PITPNC1: variants seen among roughly 807,000 people sequenced by gnomAD.
PITPNC1 encodes the protein cytoplasmic phosphatidylinositol transfer protein 1.
PITPNC1 carries 18 observed loss-of-function variants against 44.7 expected under a neutral mutation model. That is an observed-to-expected ratio of 0.40 (90% CI 0.28 to 0.60). The LOEUF (loss-of-function observed/expected upper bound fraction) is 0.60, where lower values mean the gene tolerates loss of function less well. Among genes scored for constraint, PITPNC1 ranks in the 20% least tolerant of loss-of-function variants. The probability of loss-of-function intolerance (pLI) is 0.39; values close to 1 mark genes in which losing one functional copy is unlikely to be tolerated. For missense variants in PITPNC1, 290 were observed against 418.4 expected, an observed-to-expected ratio of 0.69 and a Z score of 2.68; for synonymous variants, 141 against 149.6, an observed-to-expected ratio of 0.94 and a Z score of 0.42.
intron 1 of PITPNC1, among the ~76,000 whole-genome samples, chr17:67,514,733 C>T (rs2040235860): frequency 6.6e-6 from 1 of 151,900 alleles, no homozygotes. Flanking sequence ...GGCTGAGGCA[C>T]GAGAATCGCT....
At chr17:67,561,178 G>A (rs1272170506) in intron 4 of PITPNC1, among the ~76,000 whole-genome samples, 1 of 152,180 alleles carries the variant, frequency 6.6e-6, no homozygotes, top group African/African-American at 2.4e-5. Flanking sequence ...TGCAAAGGCC[G>A]GGTGTGGTGG....
chr17:67,618,364 C>A (rs868725178), intron 5 of PITPNC1, among the ~76,000 whole-genome samples: 344 of 76,836 alleles, frequency 4.5e-3, no homozygotes, highest in South Asian at 8.0e-3. Flanking sequence ...GACTCCGTCT[C>A]AAAAAAAAAA....
At chr17:67,453,796 G>A (rs1200260338) in intron 1 of PITPNC1, among the ~76,000 whole-genome samples, 2 of 152,238 alleles carry the variant, frequency 1.3e-5, no homozygotes, top group Non-Finnish European at 2.9e-5. Flanking sequence ...GAAGTTCAGA[G>A]TTAATGTTTC....
chr17:67,411,945 G>C (rs2038505150), intron 1 of PITPNC1, among the ~76,000 whole-genome samples: 1 of 152,106 alleles, frequency 6.6e-6, no homozygotes, highest in South Asian at 2.1e-4. Context: ...GCTCCAGAGT[G>C]CAAGCTCCCT....
chr17:67,643,570 A>G (rs192168832), intron 6 of PITPNC1, among the ~76,000 whole-genome samples: 1 of 152,302 alleles, frequency 6.6e-6, no homozygotes, highest in Non-Finnish European at 1.5e-5. Context: ...GGGATTCCCA[A>G]CTTGTGTGCT....
chr17:67,390,549 G>A (rs149030787), intron 1 of PITPNC1, among the ~76,000 whole-genome samples: 1 of 152,344 alleles, frequency 6.6e-6, no homozygotes, highest in Non-Finnish European at 1.5e-5. Flanking sequence ...GGTTCCACAT[G>A]GCACGTAAGT....
Position 67,552,260 on chromosome 17 carries a change from A to T in PITPNC1, c.201A>T (p.Lys67Asn). 6.4e-7 allele frequency: 1 copy of T among 1,564,804 alleles called. No individual in the cohort carries two copies. The highest frequency in any genetic ancestry group is 8.8e-7 in the Non-Finnish European group (1 of 1,135,266). Residue 67 changes from lysine to asparagine, a missense_variant, in exon 3 of 9, where the codon AAA becomes AAT. Physicochemically the swap from Lys to Asn is moderately conservative, Grantham distance 94. Coordinates refer to ENST00000581322, the MANE Select transcript of PITPNC1 (RefSeq NM_012417.4). ...TTTTTTCTTTCTTTCCTCTTAGCAAACTGCCTAGTTGGGCTAGAGCTGTTG... is the reference window on the plus strand; with the variant it reads ...TTTTTTCTTTCTTTCCTCTTAGCAATCTGCCTAGTTGGGCTAGAGCTGTTG... Reference protein sequence around the residue: ...FTEKRVYLNSKLPSWARAVVP... With the variant: ...FTEKRVYLNSNLPSWARAVVP...
chr17:67,577,223 C>G (rs889827299), intron 4 of PITPNC1, among the ~76,000 whole-genome samples: 1 of 152,078 alleles, frequency 6.6e-6, no homozygotes, highest in African/African-American at 2.4e-5. Flanking sequence ...GCCCATAGGT[C>G]AAGGTTACAG....
chr17:67,577,924 C>T (rs2041171560), intron 4 of PITPNC1, among the ~76,000 whole-genome samples: 1 of 152,098 alleles, frequency 6.6e-6, no homozygotes, highest in Non-Finnish European at 1.5e-5. Flanking sequence ...GAACATATTC[C>T]TTTTGGAAAT....
intron 1 of PITPNC1, among the ~76,000 whole-genome samples, chr17:67,468,767 G>C (rs2039468342): frequency 1.1e-5 from 1 of 93,924 alleles, no homozygotes; most frequent in Non-Finnish European, 1.8e-5. Flanking sequence ...CACTATCTCG[G>C]CTCACTGCAA....
chr17:67,416,165 A>C (rs1332690611), intron 1 of PITPNC1, among the ~76,000 whole-genome samples: 3 of 146,866 alleles, frequency 2.0e-5, no homozygotes, highest in Non-Finnish European at 3.0e-5. Flanking sequence ...TTTTTTGTAC[A>C]TAAATTTAAA....
chr17:67,448,251 G>A (rs541751282), intron 1 of PITPNC1, among the ~76,000 whole-genome samples: 78 of 152,218 alleles, frequency 5.1e-4, no homozygotes, highest in Middle Eastern at 3.4e-3. Context: ...CCGGCTGCAT[G>A]ACTTTTCTAT....
chr17:67,640,764 C>CGGG (rs2042084613), intron 6 of PITPNC1, among the ~76,000 whole-genome samples: 2 of 150,576 alleles, frequency 1.3e-5, no homozygotes, highest in Admixed American at 1.3e-4. Flanking sequence ...CCGAGGCAGG[C>CGGG]AGATTGCCTG....
intron 5 of PITPNC1, among the ~76,000 whole-genome samples, chr17:67,627,953 G>T (rs1294151327): frequency 4.3e-5 from 6 of 141,158 alleles, no homozygotes; most frequent in African/African-American, 1.3e-4. Flanking sequence ...TTGAGATGGC[G>T]TCTCACTGTG....
chr17:67,541,828 A>G (rs1045052256), intron 2 of PITPNC1, among the ~76,000 whole-genome samples: 1 of 152,242 alleles, frequency 6.6e-6, no homozygotes, highest in Non-Finnish European at 1.5e-5. Context: ...TAGCAGGACC[A>G]ATGGGACCAA....
intron 8 of PITPNC1, among the ~76,000 whole-genome samples, chr17:67,687,362 A>G (rs2042835426): frequency 6.6e-6 from 1 of 152,166 alleles, no homozygotes; most frequent in South Asian, 2.1e-4. Context: ...TCTCTCTTCC[A>G]GACATTTCGA....
At chr17:67,428,745 G>C (rs1567986248) in intron 1 of PITPNC1, among the ~76,000 whole-genome samples, 2 of 151,258 alleles carry the variant, frequency 1.3e-5, no homozygotes, top group African/African-American at 2.4e-5. Flanking sequence ...CCTGCAGTAA[G>C]TACGTTATAC....
At chr17:67,509,559 A>T (rs1450852813) in intron 1 of PITPNC1, among the ~76,000 whole-genome samples, 1 of 146,228 alleles carries the variant, frequency 6.8e-6, no homozygotes. Flanking sequence ...AATTGAATTA[A>T]AAATAAATAA....
intron 1 of PITPNC1, among the ~76,000 whole-genome samples, chr17:67,447,220 G>A (rs938958754): frequency 2.0e-5 from 3 of 150,694 alleles, no homozygotes; most frequent in African/African-American, 4.9e-5. Context: ...ACAGACATCC[G>A]AACCCCTAGC....
Sources: allele counts gnomAD v4.1 joint callset (sites outside exome capture counted in the v4.1 genomes callset), GRCh38; gene constraint gnomAD v4.1.1; transcripts MANE v1.5; gene names NCBI Gene and HGNC (gene_info 2026-07-23, HGNC 2026-07-21).